The following DCDC2B variants were observed in gnomAD, a reference collection of about 807,000 sequenced individuals.
DCDC2B encodes the protein doublecortin domain-containing protein 2B.
DCDC2B carries 41 observed loss-of-function variants against 38.9 expected under a neutral mutation model. The ratio of observed to expected loss-of-function variants is 1.05; its 90% CI spans 0.82 to 1.37. DCDC2B has a LOEUF of 1.37. DCDC2B is among the 40% of genes most tolerant of loss of function. The probability of loss-of-function intolerance (pLI) is 0.00; values close to 1 mark genes in which losing one functional copy is unlikely to be tolerated. For synonymous variants in DCDC2B, 181 were observed against 171.9 expected (o/e 1.05, Z -0.41); for missense variants, 453 against 427.2 (o/e 1.06, Z -0.53).
Position 32,209,286 on chromosome 1 carries a change from G to C in DCDC2B, c.193G>C (p.Val65Leu), listed in dbSNP as rs529439787. The C allele has an allele frequency of 9.3e-6, 15 of 1,613,910 alleles. No homozygotes were observed. The East Asian group carries it at 3.3e-4, about 36-fold the overall frequency. The change falls in exon 1 of 9, where the codon GTC (valine) becomes CTC (leucine). Residue 65 changes from valine (V) to leucine (L), a missense_variant. Val to Leu is a conservative substitution (Grantham distance 32). Coordinates refer to ENST00000409358, the MANE Select transcript of DCDC2B (RefSeq NM_001099434.2). ...ALYTPCHGHP[V>L]TNLADLKNRG... is the part of the protein sequence containing the mutation. The stretch of plus-strand genomic sequence containing the variant: ...CTACACACCTTGTCATGGCCACCCT[G>C]TCACCAACCTGGCAGACTTGAAGAA...
chr1:32,215,067 A>G, intron 7 of DCDC2B, 135 bp downstream of exon 7: 1 of 1,269,600 alleles, frequency 7.9e-7, no homozygotes, highest in Non-Finnish European at 1.1e-6. Context: ...AAAAAAAAAA[A>G]GATAAAGGAG....
intron 1 of DCDC2B, among the ~76,000 whole-genome samples, chr1:32,210,882 T>C (rs1337479957): frequency 2.0e-5 from 3 of 146,548 alleles, no homozygotes; most frequent in Admixed American, 1.3e-4. Context: ...GCCTGGCTAA[T>C]TTTTTTGTTT....
chr1:32,209,252 G>A lies in DCDC2B; in HGVS notation c.159G>A (p.Val53=), dbSNP rs752390515. ...VTSAVQAPLA[V]RALYTPCHGH... Reference sequence around the variant, plus strand: ...CAGCTGTGCAGGCCCCACTGGCTGTGCGTGCCCTCTACACACCTTGTCATG... The same window carrying A: ...CAGCTGTGCAGGCCCCACTGGCTGTACGTGCCCTCTACACACCTTGTCATG... Residue 53 remains valine (V), a synonymous_variant, in exon 1 of 9, where the codon GTG becomes GTA. Coordinates refer to ENST00000409358, the MANE Select transcript of DCDC2B (RefSeq NM_001099434.2). The A allele has an allele frequency of 6.2e-7, 1 of 1,614,020 alleles. No individual in the cohort carries two copies. The highest frequency in any genetic ancestry group is 8.5e-7 in the Non-Finnish European group (1 of 1,179,900).
At position 32,214,838 on chromosome 1, in the gene DCDC2B, G is replaced by A; in HGVS notation, c.756G>A (p.Lys252=). The change falls in exon 7 of 9, where the codon AAG becomes AAA. Residue 252 remains lysine (K), a synonymous_variant. Transcript: ENST00000409358. Reference sequence around the variant, plus strand: ...CCCAGGTAACCCAGCCCTCTCCAAAGGAACCAGACCGAATTAAGCCATCTG... The same window carrying A: ...CCCAGGTAACCCAGCCCTCTCCAAAAGAACCAGACCGAATTAAGCCATCTG... The part of the protein sequence containing the change: ...HRAQVTQPSP[K]EPDRIKPSAF... 1 of 1,613,940 alleles carries A rather than the reference G, an allele frequency of 6.2e-7. No homozygotes were observed. The highest frequency in any genetic ancestry group is 8.5e-7 in the Non-Finnish European group (1 of 1,179,884).
intron 4 of DCDC2B, 64 bp downstream of exon 4, chr1:32,212,265 G>A: frequency 6.3e-7 from 1 of 1,591,956 alleles, no homozygotes; most frequent in Non-Finnish European, 8.6e-7. Context: ...GGCTTCAGCT[G>A]TGGCTGAGGA....
At chr1:32,215,044 C>A in intron 7 of DCDC2B, 112 bp downstream of exon 7, 1 of 1,419,780 alleles carries the variant, frequency 7.0e-7, no homozygotes. Flanking sequence ...AGACACAAAG[C>A]CGGCACTGGA....
intron 6 of DCDC2B, among the ~76,000 whole-genome samples, chr1:32,213,142 C>T (rs565651561): frequency 2.8e-4 from 42 of 152,208 alleles, no homozygotes; most frequent in African/African-American, 9.6e-4. Flanking sequence ...GTGATCTGCC[C>T]GCCTCAGCCT....
At chr1:32,214,610 C>A in intron 6 of DCDC2B, 187 bp from the exon 7 acceptor site, 1 of 747,860 alleles carries the variant, frequency 1.3e-6, no homozygotes, top group Non-Finnish European at 2.1e-6. Context: ...ATCTACTGCT[C>A]TGTCCCTGGA....
In DCDC2B at chr1:32,216,030, T is replaced by C; in HGVS notation, c.*133T>C. 1 of 796,584 alleles carries C rather than the reference T, an allele frequency of 1.3e-6. No homozygotes were observed. The highest frequency in any genetic ancestry group is 2.0e-6 in the Non-Finnish European group (1 of 490,496). 49.3% of individuals were successfully genotyped at this position (796,584 alleles called of 1,614,324 possible). ...GGGTACACTGCGGCCTCCTCAGCCCTCCCCGTTCTCCTGCTCCTAAACCCA... is the reference window on the plus strand; with the variant it reads ...GGGTACACTGCGGCCTCCTCAGCCCCCCCCGTTCTCCTGCTCCTAAACCCA... On this transcript the variant is annotated 3_prime_UTR_variant, in exon 9 of 9. Transcript: ENST00000409358.
In DCDC2B at chr1:32,211,719, G is replaced by C. The variant is rs538049148; in HGVS notation, c.319-42G>C. 128 of 1,566,098 alleles carry C rather than the reference G, an allele frequency of 8.2e-5. 1 individual carries two copies. The East Asian group carries it at 2.9e-3, about 36-fold the overall frequency. Reference sequence around the variant, plus strand: ...TTGGATGGGCCCACCCCTAACCAAAGGCCCCAACTCTCCTGATTTGGAGGC... The same window carrying C: ...TTGGATGGGCCCACCCCTAACCAAACGCCCCAACTCTCCTGATTTGGAGGC... On this transcript the variant is annotated intron_variant, in intron 2 of 8. Coordinates refer to ENST00000409358, the MANE Select transcript of DCDC2B (RefSeq NM_001099434.2).
chr1:32,211,862 G>A, intron 3 of DCDC2B, 25 bp downstream of exon 3: 1 of 1,592,386 alleles, frequency 6.3e-7, no homozygotes, highest in Non-Finnish European at 8.6e-7. Context: ...GAGGGAGCAG[G>A]GGTGTTGATG....
In DCDC2B at chr1:32,214,853, T is replaced by C; in HGVS notation, c.771T>C (p.Ile257=). ...CCTCTCCAAAGGAACCAGACCGAAT[T>C]AAGCCATCTGCTTTCTATGCCAGAC... ...TQPSPKEPDR[I]KPSAFYARPQ... is the part of the protein sequence containing the mutation. The change falls in exon 7 of 9, where the codon ATT becomes ATC. Residue 257 remains isoleucine (I), a synonymous_variant. Transcript: ENST00000409358. 1 of 1,613,910 alleles carries C rather than the reference T, an allele frequency of 6.2e-7. No individual in the cohort carries two copies. Among genetic ancestry groups the C allele is most frequent in the Non-Finnish European group, 8.5e-7 (1 of 1,179,886 alleles).
intron 2 of DCDC2B, 71 bp from the exon 3 acceptor site, chr1:32,211,690 C>A: frequency 1.3e-6 from 2 of 1,510,008 alleles, no homozygotes; most frequent in Middle Eastern, 1.9e-4. Flanking sequence ...CCTCACTCCA[C>A]ACCTTGGATG....
chr1:32,215,815 T>G lies in DCDC2B; in HGVS notation c.968T>G (p.Ile323Arg), dbSNP rs1485986589. The stretch of plus-strand genomic sequence containing the variant: ...CACCTCCTGCAGAGGGCAGCACAGA[T>G]AGTGGAAGAGGCCTTGTCCCTGGAA... ...EEPLDQRAAQ[I>R]VEEALSLENQ... Residue 323 changes from isoleucine to arginine, a missense_variant, in exon 9 of 9, where the codon ATA becomes AGA. By Grantham distance (97) the Ile-to-Arg change is moderately conservative. Transcript: ENST00000409358. The G allele has an allele frequency of 1.9e-6, 3 of 1,552,484 alleles. No individual in the cohort carries two copies. The highest frequency in any genetic ancestry group is 2.4e-5 in the South Asian group (2 of 84,100).
At position 32,215,959 on chromosome 1, in the gene DCDC2B, TC is replaced by T; in HGVS notation, c.*64del. 1 of 1,373,296 alleles carries T rather than the reference TC, an allele frequency of 7.3e-7. No individual in the cohort carries two copies. Among genetic ancestry groups the T allele is most frequent in the Non-Finnish European group, 1.0e-6 (1 of 989,374 alleles). The allele number at this position is 1,373,296 out of a possible 1,614,324, so 85.1% of individuals were successfully genotyped here. A position where few individuals can be genotyped will look rare whatever the true frequency, so the allele number is the denominator to read the frequency against. ...CTCTGGCCACCTTTTGTCCTTAGCC[TC>T]CAGCAGCTTGTTCCTCAGGAGCCAG... On this transcript the variant is annotated 3_prime_UTR_variant, in exon 9 of 9. Coordinates refer to ENST00000409358, the MANE Select transcript of DCDC2B (RefSeq NM_001099434.2).
At chr1:32,213,176 G>A (rs1017354289) in intron 6 of DCDC2B, among the ~76,000 whole-genome samples, 11 of 151,552 alleles carry the variant, frequency 7.3e-5, no homozygotes, top group Non-Finnish European at 1.2e-4. Context: ...GATTACAGGC[G>A]TGAGCCACCG....
At chr1:32,210,196 G>A (rs573081327) in intron 1 of DCDC2B, among the ~76,000 whole-genome samples, 170 of 152,168 alleles carry the variant, frequency 1.1e-3, no homozygotes, top group Admixed American at 2.9e-3. Flanking sequence ...GCGTAGTGGC[G>A]CATGTCTGTA....
rs765228755 is a variant in DCDC2B at position 32,212,738 on chromosome 1, CCTTTT to C, written c.675-15_675-11del. Reference sequence around the variant, plus strand: ...TGCCCTCTGCCCACTACAAGCCTTTCCTTTTGTCATTGTAGGCAACCTCCAGGCTC... The same window carrying C: ...TGCCCTCTGCCCACTACAAGCCTTTCGTCATTGTAGGCAACCTCCAGGCTC... On this transcript the variant is annotated splice_polypyrimidine_tract_variant and intron_variant, in intron 5 of 8. Coordinates refer to ENST00000409358, the MANE Select transcript of DCDC2B (RefSeq NM_001099434.2). 8 of 1,613,890 alleles carry C rather than the reference CCTTTT, an allele frequency of 5.0e-6. No individual in the cohort carries two copies. The highest frequency in any genetic ancestry group is 1.7e-5 in the Admixed American group (1 of 60,006).
At chr1:32,215,106 C>G in intron 7 of DCDC2B, 174 bp downstream of exon 7, 1 of 909,446 alleles carries the variant, frequency 1.1e-6, no homozygotes, top group Non-Finnish European at 1.6e-6. Flanking sequence ...CAGGAGACTG[C>G]CCGTAAAAAA....
Sources: gnomAD v4.1 joint callset for allele counts (sites outside exome capture counted in the v4.1 genomes callset) on GRCh38, gnomAD v4.1.1 for gene constraint, MANE v1.5 for transcripts, NCBI Gene and HGNC (gene_info 2026-07-23, HGNC 2026-07-21) for gene names.